FBXL17: variants seen among roughly 807,000 people sequenced by gnomAD.
FBXL17 encodes the protein F-box and leucine rich repeat protein 17.
A neutral mutation model predicts 66.2 loss-of-function variants in FBXL17; 22 were observed. That is an observed-to-expected ratio of 0.33 (90% CI 0.24 to 0.47). The LOEUF (loss-of-function observed/expected upper bound fraction) is 0.47, where lower values mean the gene tolerates loss of function less well. Among genes scored for constraint, FBXL17 ranks in the 20% least tolerant of loss-of-function variants. The pLI is 1.00. For synonymous variants in FBXL17, 474 were observed against 400.5 expected (o/e 1.18, Z -2.19); for missense variants, 878 against 948.2 (o/e 0.93, Z 0.97).
intron 7 of FBXL17, among the ~76,000 whole-genome samples, chr5:107,925,574 A>G (rs1750499461): frequency 6.6e-6 from 1 of 152,324 alleles, no homozygotes; most frequent in Admixed American, 6.5e-5. Flanking sequence ...GCCCCTGGCC[A>G]ATGACAGAAA....
chr5:108,322,911 T>C (rs1279636038), intron 4 of FBXL17, among the ~76,000 whole-genome samples: 1 of 151,928 alleles, frequency 6.6e-6, no homozygotes, highest in East Asian at 1.9e-4. Flanking sequence ...ATGTTCGGTT[T>C]ATAGCTAGAA....
chr5:108,234,486 T>C (rs990977658), intron 4 of FBXL17, among the ~76,000 whole-genome samples: 2 of 152,304 alleles, frequency 1.3e-5, no homozygotes, highest in South Asian at 2.1e-4. Flanking sequence ...CTATGCTTTG[T>C]ATGTTATACC....
At chr5:107,987,330 A>C (rs1391408704) in intron 7 of FBXL17, among the ~76,000 whole-genome samples, 2 of 151,948 alleles carry the variant, frequency 1.3e-5, no homozygotes, top group Admixed American at 6.6e-5. Flanking sequence ...CCTTTTTGTA[A>C]AAAGAAATTT....
chr5:108,074,517 T>C (rs1243253150), intron 6 of FBXL17, among the ~76,000 whole-genome samples: 1 of 152,128 alleles, frequency 6.6e-6, no homozygotes, highest in Non-Finnish European at 1.5e-5. Context: ...TTATGAATTG[T>C]TTTCCCATTA....
intron 4 of FBXL17, among the ~76,000 whole-genome samples, chr5:108,248,389 A>G (rs1756202273): frequency 6.6e-6 from 1 of 152,200 alleles, no homozygotes; most frequent in Non-Finnish European, 1.5e-5. Flanking sequence ...AAGATAGAAT[A>G]AAAAGTACCC....
chr5:107,998,234 C>G (rs1753559999), intron 7 of FBXL17, among the ~76,000 whole-genome samples: 1 of 152,138 alleles, frequency 6.6e-6, no homozygotes, highest in African/African-American at 2.4e-5. Flanking sequence ...TTCAATGTGG[C>G]TACTAGAACA....
Position 108,097,048 on chromosome 5 carries a change from A to C in FBXL17, c.1746-76047T>G, listed in dbSNP as rs147633333. Among the ~76,000 whole-genome samples the C allele has an allele frequency of 3.7e-3, 560 of 152,232 alleles. 2 individuals carry two copies. Among genetic ancestry groups the C allele is most frequent in the Non-Finnish European group, 5.6e-3 (384 of 68,012 alleles). ...AAATCTCATCTCAAATTGTAATCCCAAGGTGTCAAGGGAGGGGCCTGGTGG... is the reference window on the plus strand; with the variant it reads ...AAATCTCATCTCAAATTGTAATCCCCAGGTGTCAAGGGAGGGGCCTGGTGG... On this transcript the variant is annotated intron_variant, in intron 6 of 8. Transcript: ENST00000542267.
chr5:108,149,486 C>T (rs1156233520), intron 6 of FBXL17, among the ~76,000 whole-genome samples: 1 of 152,168 alleles, frequency 6.6e-6, no homozygotes, highest in Admixed American at 6.5e-5. Flanking sequence ...CTCAGTCTCA[C>T]TTTGAAGTGT....
At chr5:108,324,504 C>T (rs904792527) in intron 4 of FBXL17, among the ~76,000 whole-genome samples, 13 of 151,796 alleles carry the variant, frequency 8.6e-5, no homozygotes, top group Non-Finnish European at 4.4e-5. Context: ...TAAAATGGTG[C>T]GACCACTATG....
chr5:108,319,063 C>T (rs1298231021), intron 4 of FBXL17, among the ~76,000 whole-genome samples: 1 of 151,876 alleles, frequency 6.6e-6, no homozygotes, highest in African/African-American at 2.4e-5. Flanking sequence ...GGACACACGG[C>T]ACTGCCTTCC....
chr5:107,927,905 C>T (rs768385314), intron 7 of FBXL17, among the ~76,000 whole-genome samples: 3 of 151,982 alleles, frequency 2.0e-5, no homozygotes, highest in Non-Finnish European at 2.9e-5. Flanking sequence ...TTTAAATTCA[C>T]CTCCTCTTAT....
At chr5:107,959,936 T>A (rs1011145787) in intron 7 of FBXL17, among the ~76,000 whole-genome samples, 3 of 152,196 alleles carry the variant, frequency 2.0e-5, no homozygotes, top group Admixed American at 6.5e-5. Flanking sequence ...GATGTTTCAG[T>A]AGATCTGTTC....
At chr5:108,252,366 G>C (rs558361569) in intron 4 of FBXL17, among the ~76,000 whole-genome samples, 2 of 152,088 alleles carry the variant, frequency 1.3e-5, no homozygotes, top group East Asian at 3.9e-4. Flanking sequence ...CATGATTGAA[G>C]AAAAGTGCTT....
intron 6 of FBXL17, among the ~76,000 whole-genome samples, chr5:108,065,524 C>T (rs896940772): frequency 6.6e-6 from 1 of 152,066 alleles, no homozygotes; most frequent in Non-Finnish European, 1.5e-5. Flanking sequence ...GAATGATTTA[C>T]CATGAATTTT....
At chr5:107,950,138 A>C (rs774333057) in intron 7 of FBXL17, among the ~76,000 whole-genome samples, 5 of 152,190 alleles carry the variant, frequency 3.3e-5, no homozygotes, top group Non-Finnish European at 5.9e-5. Context: ...GGGTTGTTGA[A>C]GAAGGGGAAC....
chr5:108,123,578 G>C (rs1750585040), intron 6 of FBXL17, among the ~76,000 whole-genome samples: 1 of 151,758 alleles, frequency 6.6e-6, no homozygotes, highest in African/African-American at 2.4e-5. Context: ...CTTTTCCTTA[G>C]AGCTTACGTT....
chr5:108,257,182 C>T (rs773331679), intron 4 of FBXL17, among the ~76,000 whole-genome samples: 11 of 152,088 alleles, frequency 7.2e-5, no homozygotes, highest in Non-Finnish European at 1.3e-4. Flanking sequence ...GTAATGAAAA[C>T]AGCACAACAA....
At chr5:108,016,694 A>C (rs1443890273) in intron 7 of FBXL17, among the ~76,000 whole-genome samples, 1 of 152,174 alleles carries the variant, frequency 6.6e-6, no homozygotes, top group African/African-American at 2.4e-5. Flanking sequence ...TGAGTGACAC[A>C]GGTTGATTTC....
rs1011424094 is a variant in FBXL17 at position 107,948,376 on chromosome 5, C to G, written c.1823-67197G>C. On this transcript the variant is annotated intron_variant, in intron 7 of 8. Transcript: ENST00000542267. ...TGAAACTGCACACCTGGGAGTCACC[C>G]TGGACTCCTTCCTTTCCTTGCCCAC... is the stretch of plus-strand genomic sequence containing the variant. Among the ~76,000 whole-genome samples the G allele has an allele frequency of 2.0e-5, 3 of 152,180 alleles. No individual in the cohort carries two copies. In the East Asian group the frequency reaches 5.8e-4, roughly 29 times the overall value.
Sources: allele counts gnomAD v4.1 joint callset (sites outside exome capture counted in the v4.1 genomes callset), GRCh38; gene constraint gnomAD v4.1.1; transcripts MANE v1.5; gene names NCBI Gene and HGNC (gene_info 2026-07-23, HGNC 2026-07-21).